The following SMOC1 variants were observed in gnomAD, a reference collection of about 807,000 sequenced individuals.
The protein encoded by SMOC1 is SPARC-related modular calcium-binding protein 1.
Under a neutral mutation model 56.3 loss-of-function variants are expected in SMOC1, and 22 were observed. The ratio of observed to expected loss-of-function variants is 0.39; its 90% CI spans 0.28 to 0.56. The LOEUF is 0.56. Ranked by LOEUF, SMOC1 falls within the 20% of genes least tolerant of loss-of-function variation. SMOC1 has a pLI of 0.61. For missense variants in SMOC1, 509 were observed against 565.4 expected, an observed-to-expected ratio of 0.90 and a Z score of 1.01; for synonymous variants, 193 against 215.0, an observed-to-expected ratio of 0.90 and a Z score of 0.89.
rs542259180 is a variant in SMOC1 at position 69,999,058 on chromosome 14, G to T, written c.664+4578G>T. On this transcript the variant is annotated intron_variant, in intron 7 of 11. Coordinates refer to ENST00000361956, the MANE Select transcript of SMOC1 (RefSeq NM_001034852.3). The stretch of plus-strand genomic sequence containing the variant: ...GATACAGCCATCAGCACAGACATAA[G>T]GTGGAAATGCATTTCTTTTAAGTTT... Among the ~76,000 whole-genome samples, 15 of 152,294 alleles carry T rather than the reference G, an allele frequency of 9.8e-5. No individual in the cohort carries two copies. In the South Asian group the frequency reaches 3.1e-3, roughly 32 times the overall value.
chr14:69,965,894 T>C (rs995343212), intron 3 of SMOC1, among the ~76,000 whole-genome samples: 1 of 152,222 alleles, frequency 6.6e-6, no homozygotes, highest in Non-Finnish European at 1.5e-5. Context: ...CGTAACATGC[T>C]GGGAGGTGAC....
In SMOC1 at chr14:69,975,674, C is replaced by T. The variant is rs377049312; in HGVS notation, c.379-41C>T. 5.7e-5 allele frequency: 84 copies of T among 1,463,310 alleles called. 2 individuals are homozygous for T. Among genetic ancestry groups the T allele is most frequent in the African/African-American group, 5.4e-4 (39 of 71,906 alleles). 90.6% of individuals were successfully genotyped at this position (1,463,310 alleles called of 1,614,324 possible). On this transcript the variant is annotated intron_variant, in intron 3 of 11. Coordinates refer to ENST00000361956, the MANE Select transcript of SMOC1 (RefSeq NM_001034852.3). ...TGGAGATGAGTCTTGATATTGTGACCGAGACTTATGGTTTTCTTCCCTTTT... is the reference window on the plus strand; with the variant it reads ...TGGAGATGAGTCTTGATATTGTGACTGAGACTTATGGTTTTCTTCCCTTTT...
In SMOC1 at chr14:69,939,150, C is replaced by T. The variant is rs188080653; in HGVS notation, c.100-12988C>T. 2.5e-3 allele frequency among the ~76,000 whole-genome samples: 375 copies of T among 152,222 alleles called. 1 individual carries two copies. The highest frequency in any genetic ancestry group is 5.4e-3 in the South Asian group (26 of 4,818). On this transcript the variant is annotated intron_variant, in intron 1 of 11. Coordinates refer to ENST00000361956, the MANE Select transcript of SMOC1 (RefSeq NM_001034852.3). ...TACTGAGTGTATTAGTCTGTTCTCA[C>T]GCTGCTAATAAAGACATACCCAAGA...
chr14:69,985,120 G>T (rs980498283), intron 5 of SMOC1, among the ~76,000 whole-genome samples: 8 of 151,896 alleles, frequency 5.3e-5, no homozygotes, highest in Non-Finnish European at 1.0e-4. Context: ...CAGACAAACA[G>T]AGGGCAAATA....
At chr14:70,018,090 A>C (rs527752480) in intron 10 of SMOC1, among the ~76,000 whole-genome samples, 2 of 152,248 alleles carry the variant, frequency 1.3e-5, no homozygotes, top group Non-Finnish European at 2.9e-5. Flanking sequence ...AGTTGAGCAG[A>C]GCCCAGCTGG....
intron 1 of SMOC1, among the ~76,000 whole-genome samples, chr14:69,905,706 G>A (rs1884389327): frequency 6.6e-6 from 1 of 152,186 alleles, no homozygotes; most frequent in South Asian, 2.1e-4. Flanking sequence ...AGGCAGTATT[G>A]TTGAAAGATG....
intron 1 of SMOC1, among the ~76,000 whole-genome samples, chr14:69,887,311 A>C (rs1040841334): frequency 6.6e-6 from 1 of 152,228 alleles, no homozygotes; most frequent in Non-Finnish European, 1.5e-5. Flanking sequence ...AAGCATAGTA[A>C]AGTAATGATG....
At chr14:69,901,335 C>A (rs919393154) in intron 1 of SMOC1, among the ~76,000 whole-genome samples, 10 of 152,166 alleles carry the variant, frequency 6.6e-5, no homozygotes, top group African/African-American at 2.4e-4. Context: ...TTTGTTCAGC[C>A]TTTGACTCAT....
rs1355766671 is a variant in SMOC1, at chr14:70,013,721, A to C, written c.1046+230A>C. 3.3e-5 allele frequency among the ~76,000 whole-genome samples: 5 copies of C among 152,102 alleles called. No individual in the cohort carries two copies. The East Asian group carries it at 9.6e-4, about 29-fold the overall frequency. ...AGCTGCTTGTCCCTAGCTTTTAGTT[A>C]CCTGATTTATAGGAAAGTCCAGGGC... On this transcript the variant is annotated intron_variant, in intron 10 of 11. Coordinates refer to ENST00000361956, the MANE Select transcript of SMOC1 (RefSeq NM_001034852.3).
chr14:69,982,958 C>T (rs17107526), intron 5 of SMOC1, among the ~76,000 whole-genome samples: 25,358 of 152,170 alleles, frequency 0.17, 2,981 homozygotes, highest in African/African-American at 0.34. Flanking sequence ...TCTGGTTCTC[C>T]GAGCCGCCTC....
At chr14:69,899,848 G>A (rs1884195904) in intron 1 of SMOC1, among the ~76,000 whole-genome samples, 1 of 152,130 alleles carries the variant, frequency 6.6e-6, no homozygotes, top group Non-Finnish European at 1.5e-5. Context: ...TACCGGTTTA[G>A]GTTTTCTTAC....
At chr14:70,019,919 A>T (rs576629764) in intron 10 of SMOC1, among the ~76,000 whole-genome samples, 1 of 152,174 alleles carries the variant, frequency 6.6e-6, no homozygotes, top group Non-Finnish European at 1.5e-5. Flanking sequence ...TGTCAACTTC[A>T]TCTGTGACTT....
intron 1 of SMOC1, among the ~76,000 whole-genome samples, chr14:69,891,414 G>C (rs1203510653): frequency 6.6e-6 from 1 of 152,190 alleles, no homozygotes; most frequent in Non-Finnish European, 1.5e-5. Flanking sequence ...TTTACATAGA[G>C]CACAAACAGG....
At chr14:69,913,133 T>C (rs1884597560) in intron 1 of SMOC1, among the ~76,000 whole-genome samples, 1 of 152,220 alleles carries the variant, frequency 6.6e-6, no homozygotes, top group African/African-American at 2.4e-5. Context: ...CAGCTCTGCA[T>C]GGCTTCAAAG....
At chr14:69,987,112 C>G (rs1884394636) in intron 5 of SMOC1, among the ~76,000 whole-genome samples, 1 of 152,228 alleles carries the variant, frequency 6.6e-6, no homozygotes. Flanking sequence ...CATTGAGCCT[C>G]AGAATCACAT....
chr14:69,924,136 C>T (rs148339501), intron 1 of SMOC1, among the ~76,000 whole-genome samples: 115 of 152,330 alleles, frequency 7.5e-4, no homozygotes, highest in African/African-American at 2.7e-3. Context: ...CACAGACTTT[C>T]CTGTCTCAGC....
At chr14:70,006,866 G>C (rs376739706) in intron 7 of SMOC1, among the ~76,000 whole-genome samples, 1 of 152,072 alleles carries the variant, frequency 6.6e-6, no homozygotes, top group South Asian at 2.1e-4. Flanking sequence ...ATGATCTTAG[G>C]GCAGCTTCCA....
chr14:69,925,634 G>C (rs114142520), intron 1 of SMOC1, among the ~76,000 whole-genome samples: 1 of 152,064 alleles, frequency 6.6e-6, no homozygotes, highest in East Asian at 1.9e-4. Flanking sequence ...CTGTGTCTCC[G>C]TCTCCGGCAC....
At chr14:70,024,666 C>G (rs227404) in intron 11 of SMOC1, among the ~76,000 whole-genome samples, 3,486 of 152,046 alleles carry the variant, frequency 0.023, 84 homozygotes, top group African/African-American at 0.065. Context: ...TTTCAATGAG[C>G]TGAAGGATGT....
Sources: allele counts gnomAD v4.1 joint callset (sites outside exome capture counted in the v4.1 genomes callset), GRCh38; gene constraint gnomAD v4.1.1; transcripts MANE v1.5; gene names NCBI Gene and HGNC (gene_info 2026-07-23, HGNC 2026-07-21).